FLVCR1: variants seen among roughly 807,000 people sequenced by gnomAD.
The protein encoded by FLVCR1 is choline/ethanolamine transporter FLVCR1.
FLVCR1 carries 34 observed loss-of-function variants against 53.6 expected under a neutral mutation model. The observed-to-expected ratio is 0.63, with a 90% CI of 0.48 to 0.84. FLVCR1 has a LOEUF of 0.84. Ranked by LOEUF, FLVCR1 falls within the 40% of genes least tolerant of loss-of-function variation. The probability of loss-of-function intolerance (pLI) is 0.00; values close to 1 mark genes in which losing one functional copy is unlikely to be tolerated. For synonymous variants in FLVCR1, 300 were observed against 286.3 expected (o/e 1.05, Z -0.48); for missense variants, 677 against 696.7 (o/e 0.97, Z 0.32).
chr1:212,865,911 G>GCACA (rs1335558928), intron 2 of FLVCR1, among the ~76,000 whole-genome samples: 2,285 of 57,846 alleles, frequency 0.04, 167 homozygotes, highest in Non-Finnish European at 0.059. Flanking sequence ...TGCCTCCTGG[G>GCACA]TTCAAGCAGT....
Position 212,885,414 on chromosome 1 carries a change from C to T in FLVCR1, c.1196+18C>T, listed in dbSNP as rs759408176. ...ACATACAAGTAAGTGAAAGTAAATA[C>T]ATGTATGGTGTATAACCAAAGGTAT... On this transcript the variant is annotated intron_variant, in intron 5 of 9. Transcript: ENST00000366971. 6 of 1,542,906 alleles carry T rather than the reference C, an allele frequency of 3.9e-6. No individual in the cohort carries two copies. In the African/African-American group the frequency reaches 8.2e-5, roughly 21 times the overall value.
intron 3 of FLVCR1, among the ~76,000 whole-genome samples, chr1:212,876,037 C>T (rs929424477): frequency 2.6e-5 from 4 of 151,500 alleles, no homozygotes; most frequent in African/African-American, 9.7e-5. Context: ...CAGGTGTGTG[C>T]TACCACACTT....
intron 1 of FLVCR1, among the ~76,000 whole-genome samples, chr1:212,860,394 C>G (rs1197058066): frequency 5.3e-5 from 5 of 94,148 alleles, no homozygotes; most frequent in Non-Finnish European, 8.6e-5. Context: ...CTCCATGTTG[C>G]TCATGCTTGT....
rs1558118085 is a variant in FLVCR1 at position 212,883,556 on chromosome 1, A to AATTGAG, written c.1092+118_1092+119insATTGAG. 7.6e-6 allele frequency: 5 copies of AATTGAG among 655,518 alleles called. No individual in the cohort carries two copies. The Admixed American group carries it at 1.3e-4, about 17-fold the overall frequency. 40.6% of individuals were successfully genotyped at this position (655,518 alleles called of 1,614,324 possible). On this transcript the variant is annotated intron_variant, in intron 4 of 9. Coordinates refer to ENST00000366971, the MANE Select transcript of FLVCR1 (RefSeq NM_014053.4). ...ATGACATTGTTGCTATCAAATATTT[A>AATTGAG]CATTTGTTTTAATTGAGAATATATT...
In FLVCR1 at chr1:212,858,722, C is replaced by A. The variant is rs534403116; in HGVS notation, c.270C>A (p.Thr90=). Reference sequence around the variant, plus strand: ...TGCCTGCGGGCGCGGGAGCTGAGACCCCGGGGGCCGAGAGCAGCCCGCTGC... The same window carrying A: ...TGCCTGCGGGCGCGGGAGCTGAGACACCGGGGGCCGAGAGCAGCCCGCTGC... ...RLLPAGAGAE[T]PGAESSPLPL... The change falls in exon 1 of 10, where the codon ACC becomes ACA. Residue 90 remains threonine (T), a synonymous_variant. Transcript: ENST00000366971. The A allele has an allele frequency of 1.2e-6, 2 of 1,606,866 alleles. No individual in the cohort carries two copies. The highest frequency in any genetic ancestry group is 2.2e-5 in the East Asian group (1 of 44,688).
intron 3 of FLVCR1, among the ~76,000 whole-genome samples, chr1:212,877,799 A>T (rs1483537886): frequency 6.6e-6 from 1 of 151,434 alleles, no homozygotes; most frequent in African/African-American, 2.4e-5. Context: ...CAAATATTAT[A>T]CTAAAGGCAA....
At chr1:212,880,454 A>G (rs913511505) in intron 3 of FLVCR1, among the ~76,000 whole-genome samples, 1 of 152,204 alleles carries the variant, frequency 6.6e-6, no homozygotes, top group Non-Finnish European at 1.5e-5. Context: ...GGAACAGAAT[A>G]GAGAGCCCAG....
chr1:212,881,536 A>C (rs963423087), intron 3 of FLVCR1, among the ~76,000 whole-genome samples: 1 of 151,936 alleles, frequency 6.6e-6, no homozygotes, highest in African/African-American at 2.4e-5. Flanking sequence ...ACGGGGTTTC[A>C]CCATGTTGGC....
intron 4 of FLVCR1, among the ~76,000 whole-genome samples, chr1:212,883,839 CTTTT>C (rs34065564): frequency 2.8e-4 from 40 of 143,432 alleles, no homozygotes; most frequent in Admixed American, 5.5e-4. Flanking sequence ...TATGAATCTC[CTTTT>C]TTTTTTTTTT....
chr1:212,886,451 T>C (rs1665068008), intron 5 of FLVCR1, among the ~76,000 whole-genome samples: 1 of 152,206 alleles, frequency 6.6e-6, no homozygotes, highest in Non-Finnish European at 1.5e-5. Context: ...GTAAGAACTT[T>C]TTGGCTAAAG....
chr1:212,891,254 C>CA (rs1339837538), intron 8 of FLVCR1, among the ~76,000 whole-genome samples: 2 of 150,686 alleles, frequency 1.3e-5, no homozygotes, highest in African/African-American at 5.0e-5. Context: ...ACTAAAAATA[C>CA]AAAAAACTTT....
chr1:212,888,103 C>A, intron 6 of FLVCR1, 102 bp downstream of exon 6: 1 of 743,118 alleles, frequency 1.3e-6, no homozygotes, highest in South Asian at 1.6e-5. Flanking sequence ...AAAGTTTCTT[C>A]AATATTTTAA....
rs1665381207 is a variant in FLVCR1, at chr1:212,897,810, C to T, written c.*2520C>T. The T allele has an allele frequency of 6.6e-6, 1 of 152,194 alleles. No individual in the cohort carries two copies. The allele number at this position is 152,194 out of a possible 1,614,324, so 9.4% of individuals were successfully genotyped here. A position where few individuals can be genotyped will look rare whatever the true frequency, so the allele number is the denominator to read the frequency against. ...CACCAAGCCATGAGGGATCCACCCG[C>T]AGGACCCAAACACCTTCTATTAGGG... On this transcript the variant is annotated 3_prime_UTR_variant, in exon 10 of 10. Transcript: ENST00000366971.
rs976075868 is a variant in FLVCR1 at position 212,874,848 on chromosome 1, T to G, written c.1024+2030T>G. Reference sequence around the variant, plus strand: ...GGCCTGGCTTTTTTCTTATCACTCTTTTATCACTCACTTTCCCAATACAAA... The same window carrying G: ...GGCCTGGCTTTTTTCTTATCACTCTGTTATCACTCACTTTCCCAATACAAA... On this transcript the variant is annotated intron_variant, in intron 3 of 9. Transcript: ENST00000366971. 2.1e-5 allele frequency among the ~76,000 whole-genome samples: 3 copies of G among 141,202 alleles called. No homozygotes were observed. The Admixed American group carries it at 2.5e-4, about 12-fold the overall frequency. 92.6% of individuals were successfully genotyped at this position (141,202 alleles called of 152,430 possible).
chr1:212,892,032 A>T (rs1665206803), intron 8 of FLVCR1, among the ~76,000 whole-genome samples: 1 of 152,240 alleles, frequency 6.6e-6, no homozygotes, highest in African/African-American at 2.4e-5. Flanking sequence ...GTGAACGTTG[A>T]AAGAGGTGAG....
In FLVCR1 at chr1:212,863,799, T is replaced by C; in HGVS notation, c.813T>C (p.Ala271=). 2 of 1,613,948 alleles carry C rather than the reference T, an allele frequency of 1.2e-6. No individual in the cohort carries two copies. Among genetic ancestry groups the C allele is most frequent in the Non-Finnish European group, 1.7e-6 (2 of 1,179,810 alleles). ...PNTQNDTNLL[A]CNISTMFYGT... Reference sequence around the variant, plus strand: ...CACAGAATGACACAAATCTCCTGGCTTGTAATATCAGCACCATGTTTTATG... The same window carrying C: ...CACAGAATGACACAAATCTCCTGGCCTGTAATATCAGCACCATGTTTTATG... The change falls in exon 2 of 10, where the codon GCT becomes GCC. Residue 271 remains alanine (A), a synonymous_variant. Coordinates refer to ENST00000366971, the MANE Select transcript of FLVCR1 (RefSeq NM_014053.4).
At chr1:212,887,546 ACT>A (rs1169068722) in intron 5 of FLVCR1, among the ~76,000 whole-genome samples, 1 of 152,154 alleles carries the variant, frequency 6.6e-6, no homozygotes, top group Admixed American at 6.5e-5. Context: ...AGAAAGAGAG[ACT>A]CTTATAAACT....
In FLVCR1 at chr1:212,879,562, A is replaced by G. The variant is rs1489661756; in HGVS notation, c.1025-3809A>G. Among the ~76,000 whole-genome samples the G allele has an allele frequency of 5.9e-5, 9 of 152,184 alleles. No homozygotes were observed. In the East Asian group the frequency reaches 9.6e-4, roughly 16 times the overall value. On this transcript the variant is annotated intron_variant, in intron 3 of 9. Transcript: ENST00000366971. The stretch of plus-strand genomic sequence containing the variant: ...AAAAAAATTATCGGTAATAAAGTCT[A>G]TAATATAAATAGATGTCTTTATAGA...
chr1:212,876,490 C>T (rs377130898), intron 3 of FLVCR1, among the ~76,000 whole-genome samples: 5 of 151,994 alleles, frequency 3.3e-5, no homozygotes, highest in Admixed American at 2.0e-4. Flanking sequence ...CTCAGCCTCC[C>T]GAGTAGCTGG....
Sources: gnomAD v4.1 joint callset for allele counts (sites outside exome capture counted in the v4.1 genomes callset) on GRCh38, gnomAD v4.1.1 for gene constraint, MANE v1.5 for transcripts, NCBI Gene and HGNC (gene_info 2026-07-23, HGNC 2026-07-21) for gene names.